Variants in TMEM131L observed in about 807,000 individuals in gnomAD.
TMEM131L encodes the protein transmembrane 131 like, also known as transmembrane protein 131-like.
A neutral mutation model predicts 192.2 loss-of-function variants in TMEM131L; 54 were observed. That is an observed-to-expected ratio of 0.28 (90% CI 0.23 to 0.35). The LOEUF (loss-of-function observed/expected upper bound fraction) is 0.35, where lower values mean the gene tolerates loss of function less well. Ranked by LOEUF, TMEM131L falls within the 10% of genes least tolerant of loss-of-function variation. The pLI is 1.00. For missense variants in TMEM131L, 1,888 were observed against 1,972.9 expected (o/e 0.96, Z 0.82); for synonymous variants, 701 against 704.9 (o/e 0.99, Z 0.09).
intron 3 of TMEM131L, among the ~76,000 whole-genome samples, chr4:153,521,347 G>A (rs569014947): frequency 6.6e-6 from 1 of 152,092 alleles, no homozygotes; most frequent in African/African-American, 2.4e-5. Context: ...TTTCAAATGC[G>A]TGTCTCCTCT....
Position 153,488,952 on chromosome 4 carries a change from G to A in TMEM131L, c.239+15064G>A, listed in dbSNP as rs543309812. ...GTCTCCGTGCTTTCACGTGGCTGTC[G>A]TATAAGGACACCAGTTATATTGAAG... is the stretch of plus-strand genomic sequence containing the variant. On this transcript the variant is annotated intron_variant, in intron 3 of 34. Transcript: ENST00000409959. Among the ~76,000 whole-genome samples the A allele has an allele frequency of 4.6e-5, 7 of 152,242 alleles. No homozygotes were observed. The East Asian group carries it at 1.2e-3, about 25-fold the overall frequency.
chr4:153,575,797 G>A (rs984003632), intron 7 of TMEM131L, among the ~76,000 whole-genome samples: 9 of 152,072 alleles, frequency 5.9e-5, no homozygotes, highest in Admixed American at 5.2e-4. Context: ...TGTTTTTCCT[G>A]TCTAATCAGC....
intron 3 of TMEM131L, among the ~76,000 whole-genome samples, chr4:153,489,199 A>G (rs1433763071): frequency 6.6e-6 from 1 of 151,964 alleles, no homozygotes; most frequent in Non-Finnish European, 1.5e-5. Flanking sequence ...GCCCTCCCCC[A>G]ACACCAGGGC....
At chr4:153,469,252 C>A (rs1238323709) in intron 2 of TMEM131L, among the ~76,000 whole-genome samples, 1 of 151,468 alleles carries the variant, frequency 6.6e-6, no homozygotes, top group African/African-American at 2.4e-5. Flanking sequence ...TCATCCATAT[C>A]TCTACGTATA....
intron 31 of TMEM131L, among the ~76,000 whole-genome samples, chr4:153,632,137 A>T (rs1266600984): frequency 6.6e-6 from 1 of 152,104 alleles, no homozygotes; most frequent in Non-Finnish European, 1.5e-5. Context: ...ACATGGTGAA[A>T]CCCTGTCTCT....
intron 16 of TMEM131L, among the ~76,000 whole-genome samples, chr4:153,590,166 G>C (rs79054859): frequency 0.022 from 3,407 of 152,162 alleles, 122 homozygotes; most frequent in Admixed American, 0.095. Flanking sequence ...TGGTTGTCTT[G>C]TTTTCTTAGT....
At chr4:153,493,936 T>A (rs1441164480) in intron 3 of TMEM131L, among the ~76,000 whole-genome samples, 1 of 152,172 alleles carries the variant, frequency 6.6e-6, no homozygotes, top group African/African-American at 2.4e-5. Context: ...TGTGTAACAG[T>A]GATAAGGTTT....
In TMEM131L at chr4:153,591,110, G is replaced by T; in HGVS notation, c.1728G>T (p.Glu576Asp). 6.2e-7 allele frequency: 1 copy of T among 1,610,966 alleles called. No individual in the cohort carries two copies. The highest frequency in any genetic ancestry group is 8.5e-7 in the Non-Finnish European group (1 of 1,178,134). The change falls in exon 17 of 35, where the codon GAG (glutamate) becomes GAT (aspartate). Residue 576 changes from glutamate (E) to aspartate (D), a missense_variant. Coordinates refer to ENST00000409959, the MANE Select transcript of TMEM131L (RefSeq NM_001131007.2). Reference protein sequence around the residue: ...FAHLKKSKESESFVFFLPRLI... With the variant: ...FAHLKKSKESDSFVFFLPRLI... ...ACTTGAAGAAATCCAAGGAGTCAGAGTCCTTTGTTTTCTTTTTGCCTCGTT... is the reference window on the plus strand; with the variant it reads ...ACTTGAAGAAATCCAAGGAGTCAGATTCCTTTGTTTTCTTTTTGCCTCGTT...
At chr4:153,635,341 G>A in intron 33 of TMEM131L, 91 bp from the exon 34 acceptor site, 1 of 1,223,682 alleles carries the variant, frequency 8.2e-7, no homozygotes, top group East Asian at 2.3e-5. Context: ...TGTCAGTATA[G>A]TGAGACCTTG....
intron 3 of TMEM131L, among the ~76,000 whole-genome samples, chr4:153,488,171 G>C (rs901564216): frequency 1.4e-5 from 2 of 147,412 alleles, no homozygotes; most frequent in African/African-American, 5.1e-5. Flanking sequence ...GTGAGAGAGA[G>C]AGACCCTGTG....
chr4:153,469,880 C>T (rs905301197), intron 2 of TMEM131L, among the ~76,000 whole-genome samples: 3 of 152,158 alleles, frequency 2.0e-5, no homozygotes, highest in South Asian at 2.1e-4. Flanking sequence ...GAGCTGAGAT[C>T]GCGCTGAAGC....
intron 2 of TMEM131L, 73 bp downstream of exon 2, chr4:153,467,354 C>G: frequency 1.5e-6 from 2 of 1,323,776 alleles, no homozygotes; most frequent in Non-Finnish European, 2.1e-6. Flanking sequence ...CCGGTCCTCC[C>G]CACCCCCTGT....
intron 26 of TMEM131L, among the ~76,000 whole-genome samples, chr4:153,615,848 A>G (rs1287338140): frequency 6.6e-6 from 1 of 152,132 alleles, no homozygotes; most frequent in Non-Finnish European, 1.5e-5. Context: ...TGCCACATGC[A>G]TGGGTGCCAT....
intron 7 of TMEM131L, among the ~76,000 whole-genome samples, chr4:153,574,805 C>T (rs1402165898): frequency 6.6e-6 from 1 of 152,174 alleles, no homozygotes; most frequent in Non-Finnish European, 1.5e-5. Context: ...ACAGGCTGGT[C>T]TCAAATTCTT....
intron 7 of TMEM131L, among the ~76,000 whole-genome samples, chr4:153,570,952 C>CT (rs1230441103): frequency 2.0e-5 from 3 of 152,154 alleles, no homozygotes; most frequent in African/African-American, 7.2e-5. Context: ...CCAGGACTTG[C>CT]TTGTTCTCCA....
chr4:153,609,797 GA>G (rs1240394596), intron 25 of TMEM131L, among the ~76,000 whole-genome samples: 1 of 152,176 alleles, frequency 6.6e-6, no homozygotes, highest in Non-Finnish European at 1.5e-5. Context: ...AGGACACCAG[GA>G]GAGTAATGGC....
chr4:153,547,926 G>A (rs796935297), intron 3 of TMEM131L, among the ~76,000 whole-genome samples: 15 of 152,316 alleles, frequency 9.8e-5, no homozygotes, highest in African/African-American at 3.6e-4. Flanking sequence ...ACTTTTCAGT[G>A]CACAAGACAG....
At chr4:153,490,181 C>G (rs1732663060) in intron 3 of TMEM131L, among the ~76,000 whole-genome samples, 1 of 152,292 alleles carries the variant, frequency 6.6e-6, no homozygotes, top group Non-Finnish European at 1.5e-5. Flanking sequence ...AATTGAAATA[C>G]TTAACAGGTC....
chr4:153,593,939 T>C (rs1461757160), intron 19 of TMEM131L, 68 bp downstream of exon 19: 5 of 993,066 alleles, frequency 5.0e-6, no homozygotes, highest in Non-Finnish European at 8.1e-6. Flanking sequence ...ACGGGCCTCA[T>C]TGATTTATGT....
Sources: gnomAD v4.1 joint callset for allele counts (sites outside exome capture counted in the v4.1 genomes callset) on GRCh38, gnomAD v4.1.1 for gene constraint, MANE v1.5 for transcripts, NCBI Gene and HGNC (gene_info 2026-07-23, HGNC 2026-07-21) for gene names.